Variants in GNAT3 observed in about 807,000 individuals in gnomAD.
GNAT3 encodes the protein guanine nucleotide-binding protein G(t) subunit alpha-3.
A neutral mutation model predicts 37.7 loss-of-function variants in GNAT3; 31 were observed. The ratio of observed to expected loss-of-function variants is 0.82; its 90% CI spans 0.62 to 1.11. The LOEUF (loss-of-function observed/expected upper bound fraction) is 1.11, where lower values mean the gene tolerates loss of function less well. GNAT3 is among the 50% of genes most tolerant of loss of function. GNAT3 has a pLI of 0.00. For missense variants in GNAT3, 437 were observed against 412.5 expected (o/e 1.06, Z -0.51); for synonymous variants, 138 against 139.8 (o/e 0.99, Z 0.09).
chr7:80,479,066 G>C (rs1423712594), intron 3 of GNAT3, 68 bp from the exon 4 acceptor site: 3 of 1,014,358 alleles, frequency 3.0e-6, no homozygotes, highest in Non-Finnish European at 4.3e-6. Flanking sequence ...TTCTAATAGA[G>C]TAATTTACTG....
intron 1 of GNAT3, among the ~76,000 whole-genome samples, chr7:80,503,276 T>C (rs1434328634): frequency 6.6e-6 from 1 of 152,188 alleles, no homozygotes; most frequent in Non-Finnish European, 1.5e-5. Context: ...CCATTCACCA[T>C]ACATGCATTC....
Position 80,468,923 on chromosome 7 carries a change from C to A in GNAT3, c.590+5328G>T, listed in dbSNP as rs976971188. On this transcript the variant is annotated intron_variant, in intron 5 of 7. Transcript: ENST00000398291. ...ATTCATAAAGCCATCACAATAAATT[C>A]TGTCACTAGAATCAATTAAACATCA... Among the ~76,000 whole-genome samples, 7 of 152,022 alleles carry A rather than the reference C, an allele frequency of 4.6e-5. No homozygotes were observed. The East Asian group carries it at 1.2e-3, about 25-fold the overall frequency.
intron 7 of GNAT3, among the ~76,000 whole-genome samples, chr7:80,460,365 G>A (rs554910151): frequency 6.6e-6 from 1 of 152,260 alleles, no homozygotes; most frequent in Non-Finnish European, 1.5e-5. Flanking sequence ...TTAAGGCAGC[G>A]AAGCTGTTCT....
intron 3 of GNAT3, chr7:80,487,682 A>G (rs1449464861): frequency 1.3e-5 from 2 of 151,998 alleles, no homozygotes; most frequent in Non-Finnish European, 2.9e-5. Flanking sequence ...TATTGTTTCT[A>G]TAGCAAGGTT....
chr7:80,493,170 T>C (rs753087913), intron 2 of GNAT3, among the ~76,000 whole-genome samples: 4 of 152,162 alleles, frequency 2.6e-5, no homozygotes, highest in Non-Finnish European at 5.9e-5. Context: ...TTTTTTTTTC[T>C]TTATTTAAGC....
intron 5 of GNAT3, among the ~76,000 whole-genome samples, chr7:80,472,888 C>T (rs1435258781): frequency 6.6e-6 from 1 of 152,170 alleles, no homozygotes; most frequent in Non-Finnish European, 1.5e-5. Context: ...GGAATTGGAA[C>T]TTTGGTCTGG....
In GNAT3 at chr7:80,462,523, G is replaced by C; in HGVS notation, c.699C>G (p.Val233=). The change falls in exon 6 of 8, where the codon GTC becomes GTG. Residue 233 remains valine, a synonymous_variant. Transcript: ENST00000398291. Reference sequence around the variant, plus strand: ...TTACCACTTCTTCGTCTTCCACGAGGACCATGTCATAGGCACTAAGTGCAG... The same window carrying C: ...TTACCACTTCTTCGTCTTCCACGAGCACCATGTCATAGGCACTAAGTGCAG... ...FCAALSAYDM[V]LVEDEEVNRM... 2.5e-6 allele frequency: 4 copies of C among 1,613,452 alleles called. No individual in the cohort carries two copies. Among genetic ancestry groups the C allele is most frequent in the Non-Finnish European group, 3.4e-6 (4 of 1,179,700 alleles).
At chr7:80,509,446 A>G (rs1156395788) in intron 1 of GNAT3, among the ~76,000 whole-genome samples, 2 of 152,132 alleles carry the variant, frequency 1.3e-5, no homozygotes, top group Admixed American at 1.3e-4. Context: ...CAAGTATTTT[A>G]CTTACTAATG....
At chr7:80,504,555 CAAAT>C (rs1223659661) in intron 1 of GNAT3, among the ~76,000 whole-genome samples, 19 of 152,072 alleles carry the variant, frequency 1.2e-4, no homozygotes, top group Non-Finnish European at 1.8e-4. Context: ...GTGTTGAAGT[CAAAT>C]AAATTTTCTT....
intron 5 of GNAT3, among the ~76,000 whole-genome samples, chr7:80,472,824 A>G (rs2116158714): frequency 6.6e-6 from 1 of 152,306 alleles, no homozygotes; most frequent in East Asian, 1.9e-4. Flanking sequence ...GCAAGCAAAT[A>G]AAGAAAAGGT....
chr7:80,477,352 G>C (rs1206956181), intron 4 of GNAT3, among the ~76,000 whole-genome samples: 1 of 152,048 alleles, frequency 6.6e-6, no homozygotes, highest in African/African-American at 2.4e-5. Context: ...CCAATGAATA[G>C]TTTAGAAAAG....
chr7:80,490,983 G>A (rs908128297), intron 2 of GNAT3, among the ~76,000 whole-genome samples: 1 of 152,144 alleles, frequency 6.6e-6, no homozygotes, highest in Non-Finnish European at 1.5e-5. Context: ...AGTGTCTTGT[G>A]TGCCATGGCA....
intron 5 of GNAT3, among the ~76,000 whole-genome samples, chr7:80,466,520 C>T (rs1313625393): frequency 1.3e-5 from 2 of 151,880 alleles, no homozygotes; most frequent in Admixed American, 6.6e-5. Flanking sequence ...TCTTATTTCT[C>T]TCATGCTAAT....
chr7:80,458,793 C>CT lies in GNAT3; in HGVS notation c.942dup (p.Glu315ArgfsTer3), dbSNP rs748562154. On this transcript the variant is annotated frameshift_variant, in exon 8 of 8. Transcript: ENST00000398291. LOFTEE classifies it low-confidence loss of function (END_TRUNC). ...ATGTGGGAATAAATTTCCTTATCTT[C>CT]TTTTTTTAAATTCAGGTCTAGAAAC... is the stretch of plus-strand genomic sequence containing the variant. The CT allele has an allele frequency of 2.5e-6, 4 of 1,596,342 alleles. No individual in the cohort carries two copies. Among genetic ancestry groups the CT allele is most frequent in the Admixed American group, 1.7e-5 (1 of 57,274 alleles).
intron 3 of GNAT3, among the ~76,000 whole-genome samples, chr7:80,480,158 T>C (rs1790370938): frequency 6.6e-6 from 1 of 152,188 alleles, no homozygotes; most frequent in South Asian, 2.1e-4. Flanking sequence ...CCCAGGCAAA[T>C]GGAGAAGTCT....
At chr7:80,488,083 T>C (rs1011234381) in intron 3 of GNAT3, among the ~76,000 whole-genome samples, 1 of 152,112 alleles carries the variant, frequency 6.6e-6, no homozygotes, top group East Asian at 1.9e-4. Flanking sequence ...AAAAAACTTA[T>C]CAAGTAATCA....
At chr7:80,505,349 G>C (rs1790913326) in intron 1 of GNAT3, among the ~76,000 whole-genome samples, 1 of 152,110 alleles carries the variant, frequency 6.6e-6, no homozygotes, top group African/African-American at 2.4e-5. Context: ...ATTCTGGTTA[G>C]AGAGTGATTT....
chr7:80,497,664 G>A (rs1306204064), intron 1 of GNAT3, among the ~76,000 whole-genome samples: 1 of 94,088 alleles, frequency 1.1e-5, no homozygotes, highest in African/African-American at 7.0e-5. Flanking sequence ...ATACATATAC[G>A]TATATACATA....
At position 80,458,783 on chromosome 7, in the gene GNAT3, T is replaced by A. The variant is rs1274934425; in HGVS notation, c.953A>T (p.Glu318Val). Residue 318 changes from glutamate (E) to valine (V), a missense_variant, in exon 8 of 8, where the codon GAA (glutamate) becomes GTA (valine). Physicochemically the swap from Glu to Val is moderately radical, Grantham distance 121. Transcript: ENST00000398291. ...AGCACAGGTCATGTGGGAATAAATT[T>A]CCTTATCTTCTTTTTTTAAATTCAG... ...LDLNLKKEDK[E>V]IYSHMTCATD... 1.3e-6 allele frequency: 2 copies of A among 1,596,402 alleles called. No homozygotes were observed. Among genetic ancestry groups the A allele is most frequent in the Admixed American group, 3.5e-5 (2 of 57,420 alleles).
Sources: gnomAD v4.1 joint callset for allele counts (sites outside exome capture counted in the v4.1 genomes callset) on GRCh38, gnomAD v4.1.1 for gene constraint, MANE v1.5 for transcripts, NCBI Gene and HGNC (gene_info 2026-07-23, HGNC 2026-07-21) for gene names.